Variants in GPC3 observed in about 807,000 individuals in gnomAD.
GPC3 encodes the protein glypican 3, also known as glypican-3.
Under a neutral mutation model 34.4 loss-of-function variants are expected in GPC3, and 3 were observed. The observed-to-expected ratio is 0.09, with a 90% CI of 0.04 to 0.23. GPC3 has a LOEUF of 0.23. Among genes scored for constraint, GPC3 ranks in the 10% least tolerant of loss-of-function variants. GPC3 has a pLI of 1.00. For synonymous variants in GPC3, 177 were observed against 174.0 expected, an observed-to-expected ratio of 1.02 and a Z score of -0.13; for missense variants, 351 against 445.6, an observed-to-expected ratio of 0.79 and a Z score of 1.91.
intron 2 of GPC3, among the ~76,000 whole-genome samples, chrX:133,870,538 A>T (rs1389325891): frequency 9.0e-6 from 1 of 111,033 alleles, no homozygotes; most frequent in Non-Finnish European, 1.9e-5. Context: ...CCTACTTTCC[A>T]TTTGTCCCAC....
At chrX:133,621,912 A>G (rs145306182) in intron 6 of GPC3, among the ~76,000 whole-genome samples, 1,465 of 112,239 alleles carry the variant, frequency 0.013, 31 homozygotes, top group African/African-American at 0.044. Flanking sequence ...AGAAGGGGCC[A>G]ACTGACACCA....
chrX:133,717,859 A>T (rs900255160), intron 3 of GPC3, among the ~76,000 whole-genome samples: 2 of 111,918 alleles, frequency 1.8e-5, no homozygotes, highest in Admixed American at 1.9e-4. Flanking sequence ...AATGAAAGTG[A>T]AATTAAGGCA....
At chrX:133,676,324 C>T (rs1008541675) in intron 5 of GPC3, among the ~76,000 whole-genome samples, 1 of 112,339 alleles carries the variant, frequency 8.9e-6, no homozygotes, top group South Asian at 3.7e-4. Flanking sequence ...AAGAAACACA[C>T]TCAGCAAGTC....
intron 6 of GPC3, among the ~76,000 whole-genome samples, chrX:133,648,408 T>C (rs1261557789): frequency 9.0e-6 from 1 of 111,563 alleles, no homozygotes; most frequent in Non-Finnish European, 1.9e-5. Context: ...CATTTTCCCA[T>C]CAGGCAGTGG....
chrX:133,662,226 G>T (rs2070734828), intron 5 of GPC3, among the ~76,000 whole-genome samples: 1 of 111,415 alleles, frequency 9.0e-6, no homozygotes, highest in South Asian at 3.8e-4. Flanking sequence ...CACACAGAAT[G>T]AACCTTCACT....
chrX:133,831,876 T>C (rs2075776975), intron 2 of GPC3, among the ~76,000 whole-genome samples: 1 of 112,393 alleles, frequency 8.9e-6, no homozygotes, highest in African/African-American at 3.2e-5. Context: ...GAGTACAAAT[T>C]AAAACATCTA....
chrX:133,973,288 C>T (rs1255982673), intron 1 of GPC3, among the ~76,000 whole-genome samples: 1 of 112,832 alleles, frequency 8.9e-6, no homozygotes, highest in Non-Finnish European at 1.9e-5. Context: ...TCCGGCTCCG[C>T]CACTTACACA....
Position 133,869,880 on chromosome X carries a change from A to G in GPC3, c.337+83170T>C, listed in dbSNP as rs572383846. On this transcript the variant is annotated intron_variant, in intron 2 of 7. Transcript: ENST00000370818. ...TGAGGCAGGAGAATGGCATGAACCC[A>G]GGAGGCAGAGCTTGCAGTGAGCCGA... Among the ~76,000 whole-genome samples the G allele has an allele frequency of 9.8e-4, 110 of 112,377 alleles. No homozygotes were observed. In the South Asian group the frequency reaches 0.036, roughly 37 times the overall value.
At chrX:133,732,921 C>T (rs1381256831) in intron 3 of GPC3, among the ~76,000 whole-genome samples, 2 of 110,902 alleles carry the variant, frequency 1.8e-5, no homozygotes, top group Non-Finnish European at 3.8e-5. Context: ...GGCTGCAGTG[C>T]AGTGGCACAA....
At chrX:133,714,845 T>C (rs139130360) in intron 3 of GPC3, among the ~76,000 whole-genome samples, 12 of 111,884 alleles carry the variant, frequency 1.1e-4, no homozygotes, top group Non-Finnish European at 2.1e-4. Flanking sequence ...AACTTCCCTA[T>C]TCTCATTCCT....
chrX:133,613,666 C>A (rs985408224), intron 6 of GPC3, among the ~76,000 whole-genome samples: 40 of 111,871 alleles, frequency 3.6e-4, no homozygotes, highest in African/African-American at 1.1e-3. Context: ...TCCAAGCATC[C>A]ATGTTACTTC....
chrX:133,723,472 T>C lies in GPC3; in HGVS notation c.1033-23444A>G, dbSNP rs192427036. Among the ~76,000 whole-genome samples, 6 of 112,338 alleles carry C rather than the reference T, an allele frequency of 5.3e-5. No homozygotes were observed. The East Asian group carries it at 1.1e-3, about 21-fold the overall frequency. The stretch of plus-strand genomic sequence containing the variant: ...TATTATCTGTGCTCCTCGCCTGATA[T>C]GGTTTGGATGTTTGTCCCCTCCAAA... On this transcript the variant is annotated intron_variant, in intron 3 of 7. Coordinates refer to ENST00000370818, the MANE Select transcript of GPC3 (RefSeq NM_004484.4).
chrX:133,876,119 TA>T (rs1476943794), intron 2 of GPC3, among the ~76,000 whole-genome samples: 1 of 112,257 alleles, frequency 8.9e-6, no homozygotes, highest in Admixed American at 9.5e-5. Flanking sequence ...TGAGGAACTT[TA>T]ACACCACATT....
chrX:133,881,394 C>T (rs1365482199), intron 2 of GPC3, among the ~76,000 whole-genome samples: 1 of 112,028 alleles, frequency 8.9e-6, no homozygotes, highest in African/African-American at 3.2e-5. Flanking sequence ...GGGGAGGCAG[C>T]AAATGGATTT....
chrX:133,626,991 A>T (rs1395514520), intron 6 of GPC3, among the ~76,000 whole-genome samples: 1 of 108,999 alleles, frequency 9.2e-6, no homozygotes. Context: ...AGCTGTAAAA[A>T]AGGATGAGTT....
intron 2 of GPC3, among the ~76,000 whole-genome samples, chrX:133,830,240 A>G (rs1362950780): frequency 8.9e-6 from 1 of 111,958 alleles, no homozygotes; most frequent in East Asian, 2.8e-4. Flanking sequence ...CAAATAGGGG[A>G]AAATGAGTTT....
At chrX:133,543,281 G>C (rs956885522) in intron 7 of GPC3, among the ~76,000 whole-genome samples, 1 of 111,073 alleles carries the variant, frequency 9.0e-6, no homozygotes, top group African/African-American at 3.3e-5. Context: ...ACCACTCCTG[G>C]ATTATTTTTG....
chrX:133,843,527 C>A (rs1009533770), intron 2 of GPC3, among the ~76,000 whole-genome samples: 2 of 111,403 alleles, frequency 1.8e-5, no homozygotes, highest in Non-Finnish European at 3.8e-5. Flanking sequence ...ATGAGCCAAT[C>A]AAACCTCTTT....
chrX:133,863,431 A>G (rs2075948057), intron 2 of GPC3, among the ~76,000 whole-genome samples: 1 of 111,309 alleles, frequency 9.0e-6, no homozygotes, highest in African/African-American at 3.3e-5. Flanking sequence ...GGTAGGCAGT[A>G]AATAAATGGA....
Sources: gnomAD v4.1 joint callset for allele counts (sites outside exome capture counted in the v4.1 genomes callset) on GRCh38, gnomAD v4.1.1 for gene constraint, MANE v1.5 for transcripts, NCBI Gene and HGNC (gene_info 2026-07-23, HGNC 2026-07-21) for gene names.